Variants in SCOC observed in about 807,000 individuals in gnomAD.
SCOC encodes the protein short coiled coil protein.
Under a neutral mutation model 9.9 loss-of-function variants are expected in SCOC, and 7 were observed. The observed-to-expected ratio is 0.71, with a 90% confidence interval of 0.40 to 1.33. The LOEUF (loss-of-function observed/expected upper bound fraction) is 1.33, where lower values mean the gene tolerates loss of function less well. SCOC is among the 40% of genes most tolerant of loss of function. SCOC has a pLI of 0.01. For synonymous variants in SCOC, 19 were observed against 28.2 expected (o/e 0.67, Z 1.03); for missense variants, 66 against 89.7 (o/e 0.74, Z 1.07).
At chr4:140,358,116 C>T (rs1227208401) in intron 2 of SCOC, among the ~76,000 whole-genome samples, 1 of 152,194 alleles carries the variant, frequency 6.6e-6, no homozygotes, top group Admixed American at 6.5e-5. Flanking sequence ...CCCTGATTCA[C>T]ACTCCCTATT....
chr4:140,264,922 G>A (rs1047852774), intron 1 of SCOC, among the ~76,000 whole-genome samples: 12 of 152,104 alleles, frequency 7.9e-5, no homozygotes, highest in African/African-American at 2.4e-4. Flanking sequence ...ATGACCTGTC[G>A]GAGCTGCATT....
At chr4:140,257,473 CCAGT>C in intron 1 of SCOC, 1 of 152,196 alleles carries the variant, frequency 6.6e-6, no homozygotes, top group African/African-American at 2.4e-5. Flanking sequence ...CTTGTAAGAG[CCAGT>C]ATTTAAGGGG....
intron 2 of SCOC, among the ~76,000 whole-genome samples, chr4:140,343,958 C>A (rs948401857): frequency 4.6e-5 from 7 of 151,844 alleles, no homozygotes; most frequent in African/African-American, 1.5e-4. Context: ...CAAAATATTT[C>A]CTAAAAGTTC....
intron 1 of SCOC, among the ~76,000 whole-genome samples, chr4:140,298,012 T>C (rs1410465455): frequency 6.6e-6 from 1 of 152,222 alleles, no homozygotes; most frequent in Non-Finnish European, 1.5e-5. Flanking sequence ...TAAATTAATT[T>C]GGCTTATCTC....
At chr4:140,323,324 A>T (rs1352232488) in intron 1 of SCOC, among the ~76,000 whole-genome samples, 1 of 152,190 alleles carries the variant, frequency 6.6e-6, no homozygotes, top group Non-Finnish European at 1.5e-5. Flanking sequence ...CTTCCTCACC[A>T]GAAGCCAAGC....
Position 140,373,683 on chromosome 4 carries a change from C to A in SCOC, c.-85C>A. The A allele has an allele frequency of 6.4e-7, 1 of 1,550,502 alleles. No individual in the cohort carries two copies. Among genetic ancestry groups the A allele is most frequent in the Admixed American group, 2.0e-5 (1 of 51,012 alleles). On this transcript the variant is annotated 5_prime_UTR_variant, in exon 1 of 4. Coordinates refer to ENST00000608372, the MANE Select transcript of SCOC (RefSeq NM_001153484.2). ...AAGTGTCCCGGCCTGAGGTGTCGGCCGGATCCCTCCTTCTCCCGGCGCCTC... is the reference window on the plus strand; with the variant it reads ...AAGTGTCCCGGCCTGAGGTGTCGGCAGGATCCCTCCTTCTCCCGGCGCCTC...
upstream of SCOC, among the ~76,000 whole-genome samples, chr4:140,372,224 T>A (rs770147945): frequency 6.6e-6 from 1 of 152,254 alleles, no homozygotes; most frequent in Non-Finnish European, 1.5e-5. Context: ...TATCTTATAC[T>A]ACTGAAGTTA....
upstream of SCOC, chr4:140,373,417 G>T (rs770174066): frequency 8.1e-5 from 122 of 1,501,582 alleles, no homozygotes; most frequent in Non-Finnish European, 6.3e-5. Flanking sequence ...ATTGGCTGTC[G>T]CTGTTCCAGG....
intron 2 of SCOC, among the ~76,000 whole-genome samples, chr4:140,356,661 C>T (rs1727242650): frequency 1.3e-5 from 2 of 152,162 alleles, no homozygotes; most frequent in Non-Finnish European, 2.9e-5. Flanking sequence ...CAGAATGATA[C>T]TGTGTTCTTC....
At chr4:140,341,531 G>A (rs1418267183), upstream of SCOC, among the ~76,000 whole-genome samples, 1 of 152,192 alleles carries the variant, frequency 6.6e-6, no homozygotes, top group East Asian at 1.9e-4. Context: ...CTAGCACATA[G>A]TAGGCATTTT....
At chr4:140,369,431 T>G (rs908394264), upstream of SCOC, 3 of 310,382 alleles carry the variant, frequency 9.7e-6, no homozygotes, top group African/African-American at 6.7e-5. Flanking sequence ...TGCAAATTAA[T>G]GAGCTTAAAG....
chr4:140,305,228 G>A (rs1731932076), intron 1 of SCOC, among the ~76,000 whole-genome samples: 1 of 152,190 alleles, frequency 6.6e-6, no homozygotes, highest in South Asian at 2.1e-4. Context: ...GAACAGGTCT[G>A]AGGGTTTTCA....
chr4:140,285,388 G>A (rs1731237090), intron 1 of SCOC: 1 of 426,696 alleles, frequency 2.3e-6, no homozygotes, highest in East Asian at 7.0e-5. Flanking sequence ...AAATAAATGG[G>A]AGAGAGTGTA....
intron 2 of SCOC, among the ~76,000 whole-genome samples, chr4:140,360,227 A>C (rs1727403151): frequency 6.6e-6 from 1 of 152,192 alleles, no homozygotes; most frequent in Non-Finnish European, 1.5e-5. Context: ...AAAGAAGTAA[A>C]TTTTGTGGGA....
chr4:140,258,486 A>G (rs1730559626), intron 1 of SCOC, among the ~76,000 whole-genome samples: 2 of 151,938 alleles, frequency 1.3e-5, no homozygotes, highest in African/African-American at 4.8e-5. Flanking sequence ...GATAAGACAC[A>G]CTCCATGTAA....
chr4:140,262,950 C>T (rs1200718499), intron 1 of SCOC, among the ~76,000 whole-genome samples: 1 of 152,182 alleles, frequency 6.6e-6, no homozygotes, highest in African/African-American at 2.4e-5. Context: ...GATCCAATCA[C>T]CTCCTGCCAG....
chr4:140,373,848 T>C, intron 1 of SCOC, 131 bp downstream of exon 1: 3 of 1,023,162 alleles, frequency 2.9e-6, no homozygotes, highest in Middle Eastern at 5.9e-4. Context: ...GGAGGAGCGG[T>C]CTCGGGCCTG....
intron 1 of SCOC, among the ~76,000 whole-genome samples, chr4:140,280,804 CG>C (rs1244270740): frequency 1.3e-5 from 2 of 152,028 alleles, no homozygotes; most frequent in Non-Finnish European, 2.9e-5. Flanking sequence ...TCTGAGGAGA[CG>C]CTTCATGAGA....
intron 1 of SCOC, among the ~76,000 whole-genome samples, chr4:140,318,829 C>T (rs60611111): frequency 0.028 from 4,261 of 152,196 alleles, 122 homozygotes; most frequent in South Asian, 0.093. Context: ...TGGAACCAAC[C>T]CAAAAGCCCT....
Sources: allele counts gnomAD v4.1 joint callset (sites outside exome capture counted in the v4.1 genomes callset), GRCh38; gene constraint gnomAD v4.1.1; transcripts MANE v1.5; gene names NCBI Gene and HGNC (gene_info 2026-07-23, HGNC 2026-07-21).